The following PRUNE2 variants were observed in gnomAD, a reference collection of about 807,000 sequenced individuals.
PRUNE2 encodes the protein protein prune homolog 2.
PRUNE2 carries 164 observed loss-of-function variants against 252.0 expected under a neutral mutation model. The observed-to-expected ratio is 0.65, with a 90% CI of 0.57 to 0.74. The LOEUF is 0.74. PRUNE2 is among the 30% of genes least tolerant of loss of function. The probability of loss-of-function intolerance (pLI) is 0.00; values close to 1 mark genes in which losing one functional copy is unlikely to be tolerated. For missense variants in PRUNE2, 3,495 were observed against 3,711.0 expected (o/e 0.94, Z 1.51); for synonymous variants, 1,292 against 1,350.2 (o/e 0.96, Z 0.94).
chr9:76,741,461 A>G (rs1214138549), intron 6 of PRUNE2, among the ~76,000 whole-genome samples: 1 of 152,246 alleles, frequency 6.6e-6, no homozygotes, highest in Non-Finnish European at 1.5e-5. Flanking sequence ...GGCTGGTGGG[A>G]CCAGGGGAAA....
chr9:76,878,108 T>C (rs2061566803), intron 1 of PRUNE2, among the ~76,000 whole-genome samples: 1 of 152,162 alleles, frequency 6.6e-6, no homozygotes, highest in East Asian at 1.9e-4. Context: ...AGCACTATGG[T>C]GAATCAGATA....
intron 1 of PRUNE2, among the ~76,000 whole-genome samples, chr9:76,886,630 T>A (rs114378933): frequency 0.055 from 8,350 of 152,212 alleles, 751 homozygotes; most frequent in African/African-American, 0.19. Context: ...CCAAATGCAC[T>A]GTGTTCACCT....
chr9:76,718,938 CA>C (rs1038461409), intron 6 of PRUNE2, among the ~76,000 whole-genome samples: 1 of 152,136 alleles, frequency 6.6e-6, no homozygotes, highest in Non-Finnish European at 1.5e-5. Flanking sequence ...AATTCACCAG[CA>C]AATCCTATTA....
chr9:76,892,793 T>TA (rs948311968), intron 1 of PRUNE2, among the ~76,000 whole-genome samples: 1 of 152,236 alleles, frequency 6.6e-6, no homozygotes, highest in African/African-American at 2.4e-5. Context: ...TTTTTATGGG[T>TA]AATTTTTCAG....
intron 6 of PRUNE2, chr9:76,737,389 T>C (rs924291901): frequency 1.3e-5 from 2 of 152,216 alleles, no homozygotes; most frequent in South Asian, 2.1e-4. Context: ...CAGAAATTTA[T>C]AGACACCGCT....
At chr9:76,798,331 C>T (rs184011279) in intron 6 of PRUNE2, among the ~76,000 whole-genome samples, 13 of 152,260 alleles carry the variant, frequency 8.5e-5, no homozygotes, top group Admixed American at 3.3e-4. Flanking sequence ...CATACTGGTT[C>T]CTGTCTTTAT....
rs200758135 is a variant in PRUNE2, at chr9:76,615,852, CG to C, written c.9237-1253del. Among the ~76,000 whole-genome samples the C allele has an allele frequency of 4.4e-3, 646 of 146,152 alleles. 8 individuals are homozygous for C. The highest frequency in any genetic ancestry group is 0.016 in the African/African-American group (615 of 39,486). On this transcript the variant is annotated intron_variant, in intron 18 of 18. Coordinates refer to ENST00000376718, the MANE Select transcript of PRUNE2 (RefSeq NM_015225.3). ...TGGTGCGATCTCGGCTTACTGCAAC[CG>C]CCGTCTCCTAGATTCAAGCGACTCT... is the stretch of plus-strand genomic sequence containing the variant.
intron 6 of PRUNE2, among the ~76,000 whole-genome samples, chr9:76,792,284 G>A (rs1407852206): frequency 6.6e-6 from 1 of 152,184 alleles, no homozygotes; most frequent in Non-Finnish European, 1.5e-5. Flanking sequence ...CTGTCACCAT[G>A]TAAGATGTGA....
chr9:76,904,599 T>C (rs1589863976), intron 1 of PRUNE2, among the ~76,000 whole-genome samples: 1 of 152,250 alleles, frequency 6.6e-6, no homozygotes, highest in Admixed American at 6.5e-5. Context: ...TGCCAAATAC[T>C]TACTTGAGTT....
chr9:76,809,533 T>A (rs2057213798), intron 6 of PRUNE2, among the ~76,000 whole-genome samples: 1 of 152,064 alleles, frequency 6.6e-6, no homozygotes, highest in Non-Finnish European at 1.5e-5. Flanking sequence ...CCGTCTTTAC[T>A]AAAAATTCAA....
At chr9:76,901,440 G>T (rs73464304) in intron 1 of PRUNE2, among the ~76,000 whole-genome samples, 3,856 of 152,250 alleles carry the variant, frequency 0.025, 180 homozygotes, top group African/African-American at 0.089. Flanking sequence ...AGCTCTGCCA[G>T]CTTCTTCATC....
At chr9:76,732,805 T>C (rs563198311) in intron 6 of PRUNE2, among the ~76,000 whole-genome samples, 9 of 152,336 alleles carry the variant, frequency 5.9e-5, no homozygotes, top group African/African-American at 1.7e-4. Context: ...ACCCTGGGCC[T>C]GGCTCATGAT....
At chr9:76,831,642 T>C (rs2058682746) in intron 4 of PRUNE2, among the ~76,000 whole-genome samples, 1 of 152,090 alleles carries the variant, frequency 6.6e-6, no homozygotes, top group South Asian at 2.1e-4. Flanking sequence ...TTGTAATTGC[T>C]ATCATAACCA....
At chr9:76,734,224 G>A (rs2048882347) in intron 6 of PRUNE2, among the ~76,000 whole-genome samples, 2 of 152,194 alleles carry the variant, frequency 1.3e-5, no homozygotes, top group South Asian at 4.2e-4. Flanking sequence ...TTTGTAAGGT[G>A]CCTTCCAGTT....
intron 9 of PRUNE2, among the ~76,000 whole-genome samples, chr9:76,662,939 A>G (rs1039981670): frequency 6.6e-6 from 1 of 152,210 alleles, no homozygotes; most frequent in African/African-American, 2.4e-5. Context: ...AAAAGAAAAA[A>G]GAAAACACAA....
Position 76,711,196 on chromosome 9 carries a change from T to C in PRUNE2, c.1078A>G (p.Met360Val), listed in dbSNP as rs2046701859. The C allele has an allele frequency of 1.2e-6, 2 of 1,613,828 alleles. No homozygotes were observed. The highest frequency in any genetic ancestry group is 2.2e-5 in the South Asian group (2 of 91,076). The change falls in exon 8 of 19, where the codon ATG becomes GTG. Residue 360 changes from methionine to valine, a missense_variant. Coordinates refer to ENST00000376718, the MANE Select transcript of PRUNE2 (RefSeq NM_015225.3). ...GAGGATGTCCGGCTATTGGAGACCA[T>C]CTCTGGACACCTCCTGTTGATGACT... is the stretch of plus-strand genomic sequence containing the variant. Reference protein sequence around the residue: ...KEVINRRCPEMVSNSRTSSTE... With the variant: ...KEVINRRCPEVVSNSRTSSTE...
intron 6 of PRUNE2, among the ~76,000 whole-genome samples, chr9:76,742,782 A>G (rs2049758561): frequency 6.6e-6 from 1 of 152,204 alleles, no homozygotes; most frequent in African/African-American, 2.4e-5. Flanking sequence ...AACCAATTAA[A>G]CACAAATGAG....
At chr9:76,780,469 C>T (rs1342330646) in intron 6 of PRUNE2, among the ~76,000 whole-genome samples, 3 of 152,026 alleles carry the variant, frequency 2.0e-5, no homozygotes, top group Non-Finnish European at 4.4e-5. Flanking sequence ...GGGCGGATCA[C>T]GAGGCCAGGA....
rs769204874 is a variant in PRUNE2, at chr9:76,655,456, C to T, written c.8323G>A (p.Val2775Met). ...ATGTCTGCAGCACTGGGACTCAGCA[C>T]GCCCTCTTCAAAGGGGATGTCCATT... ...VGMDIPFEEGVLSPSAADMRP... is the reference protein window; with the variant it reads ...VGMDIPFEEGMLSPSAADMRP... Residue 2775 changes from valine to methionine, a missense_variant, in exon 10 of 19, where the codon GTG (valine) becomes ATG (methionine). Coordinates refer to ENST00000376718, the MANE Select transcript of PRUNE2 (RefSeq NM_015225.3). The T allele has an allele frequency of 2.4e-5, 38 of 1,612,702 alleles. No homozygotes were observed. The highest frequency in any genetic ancestry group is 5.0e-5 in the Admixed American group (3 of 59,860).
Sources: allele counts gnomAD v4.1 joint callset (sites outside exome capture counted in the v4.1 genomes callset), GRCh38; gene constraint gnomAD v4.1.1; transcripts MANE v1.5; gene names NCBI Gene and HGNC (gene_info 2026-07-23, HGNC 2026-07-21).